LMTK2: variants seen among roughly 807,000 people sequenced by gnomAD.
The protein encoded by LMTK2 is lemur tail kinase 2.
Under a neutral mutation model 127.5 loss-of-function variants are expected in LMTK2, and 37 were observed. The observed-to-expected ratio is 0.29, with a 90% CI of 0.22 to 0.38. The LOEUF is 0.38. Ranked by LOEUF, LMTK2 falls within the 10% of genes least tolerant of loss-of-function variation. The probability of loss-of-function intolerance (pLI) is 1.00; values close to 1 mark genes in which losing one functional copy is unlikely to be tolerated. For missense variants in LMTK2, 1,694 were observed against 1,920.3 expected (o/e 0.88, Z 2.20); for synonymous variants, 819 against 810.1 (o/e 1.01, Z -0.19).
At chr7:98,187,278 A>G (rs563722197) in intron 9 of LMTK2, among the ~76,000 whole-genome samples, 2 of 152,342 alleles carry the variant, frequency 1.3e-5, no homozygotes, top group South Asian at 4.1e-4. Context: ...CCTGACATGT[A>G]ATAGATATTT....
At chr7:98,156,843 C>T (rs1249999767) in intron 5 of LMTK2, among the ~76,000 whole-genome samples, 4 of 152,182 alleles carry the variant, frequency 2.6e-5, no homozygotes, top group Non-Finnish European at 4.4e-5. Context: ...TGTCTGCTGG[C>T]AGAGTTCTTC....
chr7:98,129,051 T>C (rs183108489), intron 1 of LMTK2, among the ~76,000 whole-genome samples: 193 of 152,190 alleles, frequency 1.3e-3, no homozygotes, highest in Non-Finnish European at 2.4e-3. Flanking sequence ...TATAATCTTA[T>C]TTGTTTGACC....
intron 1 of LMTK2, among the ~76,000 whole-genome samples, chr7:98,128,420 C>T (rs1327622769): frequency 6.6e-6 from 1 of 152,110 alleles, no homozygotes; most frequent in Non-Finnish European, 1.5e-5. Flanking sequence ...GTCCACAGGC[C>T]AAGGAGAGAG....
At chr7:98,121,039 AT>A (rs2116329945) in intron 1 of LMTK2, among the ~76,000 whole-genome samples, 1 of 152,278 alleles carries the variant, frequency 6.6e-6, no homozygotes, top group South Asian at 2.1e-4. Flanking sequence ...AGTCTGTAGA[AT>A]TTTAGAGTTG....
chr7:98,193,341 C>T lies in LMTK2; in HGVS notation c.2876C>T (p.Ala959Val), dbSNP rs1797565986. 2 of 1,614,094 alleles carry T rather than the reference C, an allele frequency of 1.2e-6. No individual in the cohort carries two copies. Among genetic ancestry groups the T allele is most frequent in the Admixed American group, 1.7e-5 (1 of 60,006 alleles). Residue 959 changes from alanine (A) to valine (V), a missense_variant, in exon 11 of 14, where the codon GCA (alanine) becomes GTA (valine). Ala to Val is a moderately conservative substitution (Grantham distance 64). Around this residue, in one of 8 missense-constraint regions of LMTK2, gnomAD observed 527 missense variants for 539.8 expected, o/e 0.98. Coordinates refer to ENST00000297293, the MANE Select transcript of LMTK2 (RefSeq NM_014916.4). The surrounding 1 kb of genome is among the most constrained non-coding windows in gnomAD (Gnocchi z 4.1). ...AATCAGCTCAATTCTAAAGACGCAG[C>T]AAAAGAAGCAGGCTTGGTGTCTGCC... ...TLNQLNSKDAAKEAGLVSALS... is the reference protein window; with the variant it reads ...TLNQLNSKDAVKEAGLVSALS...
intron 5 of LMTK2, 73 bp downstream of exon 5, chr7:98,154,949 G>C (rs1025822437): frequency 1.2e-6 from 1 of 853,110 alleles, no homozygotes; most frequent in African/African-American, 1.7e-5. Context: ...TAAAACTACT[G>C]TGGGATTTCT....
intron 7 of LMTK2, among the ~76,000 whole-genome samples, chr7:98,182,021 A>C (rs1041916067): frequency 6.6e-6 from 1 of 152,236 alleles, no homozygotes; most frequent in African/African-American, 2.4e-5. Flanking sequence ...GTTTTCAACA[A>C]ATGCTGCTGG....
At chr7:98,141,013 T>C (rs1178462474) in intron 2 of LMTK2, among the ~76,000 whole-genome samples, 1 of 149,766 alleles carries the variant, frequency 6.7e-6, no homozygotes, top group African/African-American at 2.5e-5. Context: ...GCCATGATCA[T>C]GCCACTGTGC....
rs568717942 is a variant in LMTK2 at position 98,150,750 on chromosome 7, C to T, written c.377-632C>T. On this transcript the variant is annotated intron_variant, in intron 3 of 13. Transcript: ENST00000297293. ...AAATAATTTATGTAAGCCATACCATCGAAAAAAGAGTACATACCATATGAT... is the reference window on the plus strand; with the variant it reads ...AAATAATTTATGTAAGCCATACCATTGAAAAAAGAGTACATACCATATGAT... 2.5e-4 allele frequency among the ~76,000 whole-genome samples: 38 copies of T among 151,966 alleles called. 1 individual carries two copies. The highest frequency in any genetic ancestry group is 1.0e-3 in the South Asian group (5 of 4,828).
chr7:98,196,134 AG>A (rs887110187), intron 11 of LMTK2, among the ~76,000 whole-genome samples: 1 of 151,510 alleles, frequency 6.6e-6, no homozygotes, highest in Non-Finnish European at 1.5e-5. Context: ...GGTTGCAGTG[AG>A]CCAAGATTGC....
intron 1 of LMTK2, among the ~76,000 whole-genome samples, chr7:98,119,089 C>T (rs1226819486): frequency 2.5e-5 from 1 of 40,578 alleles, no homozygotes; most frequent in Non-Finnish European, 5.3e-5. Flanking sequence ...GAGAATCCAT[C>T]TCAAAAAAAA....
At chr7:98,199,710 G>T (rs1380775393) in intron 11 of LMTK2, among the ~76,000 whole-genome samples, 1 of 152,166 alleles carries the variant, frequency 6.6e-6, no homozygotes, top group Non-Finnish European at 1.5e-5. Context: ...GGCCAGGCTG[G>T]TCTCGAACTC....
chr7:98,163,325 T>C (rs184052329), intron 6 of LMTK2, among the ~76,000 whole-genome samples: 44 of 152,260 alleles, frequency 2.9e-4, no homozygotes, highest in African/African-American at 9.4e-4. Flanking sequence ...AAATGGATAA[T>C]TACCTCCCAC....
intron 3 of LMTK2, among the ~76,000 whole-genome samples, chr7:98,145,121 G>A (rs756959995): frequency 3.3e-5 from 5 of 152,104 alleles, no homozygotes; most frequent in African/African-American, 4.8e-5. Context: ...CTTCCTGCCA[G>A]TTGGGTATCT....
chr7:98,119,525 A>G (rs902971287), intron 1 of LMTK2, among the ~76,000 whole-genome samples: 14 of 152,204 alleles, frequency 9.2e-5, no homozygotes, highest in African/African-American at 2.4e-4. Context: ...TTTTTTAAAA[A>G]CTTCACTCCT....
At chr7:98,120,721 G>A (rs1796348748) in intron 1 of LMTK2, among the ~76,000 whole-genome samples, 1 of 152,054 alleles carries the variant, frequency 6.6e-6, no homozygotes, top group African/African-American at 2.4e-5. Flanking sequence ...AGGCAGCAGC[G>A]GTTGCTTCCC....
At chr7:98,186,243 T>C (rs1226084398) in intron 8 of LMTK2, among the ~76,000 whole-genome samples, 2 of 152,102 alleles carry the variant, frequency 1.3e-5, no homozygotes, top group Non-Finnish European at 2.9e-5. Flanking sequence ...TTTGTATTTT[T>C]AGTGGAGACG....
chr7:98,163,918 G>T (rs1222600716), intron 6 of LMTK2, among the ~76,000 whole-genome samples: 1 of 152,238 alleles, frequency 6.6e-6, no homozygotes, highest in Admixed American at 6.5e-5. Context: ...GGCTATCGCT[G>T]CCTGTCTTAG....
rs1212881680 is a variant in LMTK2, at chr7:98,154,880, A to G, written c.569+4A>G. 1 of 1,519,108 alleles carries G rather than the reference A, an allele frequency of 6.6e-7. No individual in the cohort carries two copies. Among genetic ancestry groups the G allele is most frequent in the Non-Finnish European group, 9.1e-7 (1 of 1,093,330 alleles). 94.1% of individuals were successfully genotyped at this position (1,519,108 alleles called of 1,614,324 possible). ...TGAAAAATGGAGAACCTTACTAGTA[A>G]GTAAACCTTGTCATGTGTTCTGTAA... On this transcript the variant is annotated splice_donor_region_variant and intron_variant, in intron 5 of 13. Transcript: ENST00000297293.
Sources: allele counts gnomAD v4.1 joint callset (sites outside exome capture counted in the v4.1 genomes callset), GRCh38; gene constraint gnomAD v4.1.1; regional missense constraint gnomAD v4.1.1; non-coding constraint Gnocchi (gnomAD v3.1); transcripts MANE v1.5; gene names NCBI Gene and HGNC (gene_info 2026-07-23, HGNC 2026-07-21).